PPA2: variants seen among roughly 807,000 people sequenced by gnomAD.
PPA2 encodes the protein inorganic pyrophosphatase 2, mitochondrial.
A neutral mutation model predicts 49.5 loss-of-function variants in PPA2; 48 were observed. The ratio of observed to expected loss-of-function variants is 0.97; its 90% CI spans 0.77 to 1.23. PPA2 has a LOEUF of 1.23. Among genes scored for constraint, PPA2 ranks in the 50% most tolerant of loss-of-function variants. The pLI is 0.00. For synonymous variants in PPA2, 131 were observed against 139.9 expected (o/e 0.94, Z 0.45); for missense variants, 429 against 410.1 (o/e 1.05, Z -0.40).
intron 9 of PPA2, among the ~76,000 whole-genome samples, chr4:105,389,615 TACA>T (rs1306770253): frequency 6.6e-6 from 1 of 151,962 alleles, no homozygotes; most frequent in Non-Finnish European, 1.5e-5. Context: ...AAATGCTGTG[TACA>T]ACAAGCCCAA....
In PPA2 at chr4:105,437,948, A is replaced by G. The variant is rs1272647594; in HGVS notation, c.528+2T>C. 3.1e-6 allele frequency: 5 copies of G among 1,596,270 alleles called. No individual in the cohort carries two copies. The South Asian group carries it at 5.7e-5, about 18-fold the overall frequency. On this transcript the variant is annotated splice_donor_variant, in intron 6 of 11. Transcript: ENST00000341695. LOFTEE classifies it high-confidence loss of function. ...AGAATTAATACAGTCTATAAAACAA[A>G]CCTTTGAGCCTATTTCGCAAACATC...
chr4:105,415,238 C>T (rs549466515), intron 7 of PPA2, among the ~76,000 whole-genome samples: 5 of 152,338 alleles, frequency 3.3e-5, no homozygotes, highest in Admixed American at 2.0e-4. Context: ...CACCTCTTTC[C>T]GCCCAGGAGC....
rs1724136746 is a variant in PPA2 at position 105,437,864 on chromosome 4, G to A, written c.528+86C>T. 6.2e-6 allele frequency: 6 copies of A among 972,248 alleles called. No homozygotes were observed. In the Admixed American group the frequency reaches 1.6e-4, roughly 25 times the overall value. The allele number at this position is 972,248 out of a possible 1,614,324, so 60.2% of individuals were successfully genotyped here. ...AATCAATAGGCTTGAACTCTGAAGAGTTGAAGAACTAGAGGCTAAAATGAA... is the reference window on the plus strand; with the variant it reads ...AATCAATAGGCTTGAACTCTGAAGAATTGAAGAACTAGAGGCTAAAATGAA... On this transcript the variant is annotated intron_variant, in intron 6 of 11. Coordinates refer to ENST00000341695, the MANE Select transcript of PPA2 (RefSeq NM_176869.3).
chr4:105,439,874 C>T (rs1304352819), intron 5 of PPA2, among the ~76,000 whole-genome samples: 2 of 115,112 alleles, frequency 1.7e-5, no homozygotes, highest in African/African-American at 6.1e-5. Context: ...GTGTGATGCT[C>T]CCCTTCCTGT....
intron 6 of PPA2, among the ~76,000 whole-genome samples, chr4:105,427,114 G>A (rs1723551231): frequency 6.6e-6 from 1 of 152,176 alleles, no homozygotes; most frequent in South Asian, 2.1e-4. Context: ...GGACCTGTCT[G>A]TTAGAAGGAA....
At chr4:105,417,558 C>CA (rs11413641) in intron 7 of PPA2, among the ~76,000 whole-genome samples, 90,718 of 144,660 alleles carry the variant, frequency 0.63, 29,131 homozygotes, top group Non-Finnish European at 0.72. Flanking sequence ...TGACTGAAAC[C>CA]AAAAAAAAAA....
At chr4:105,447,578 A>G (rs1722452931) in intron 4 of PPA2, among the ~76,000 whole-genome samples, 1 of 152,202 alleles carries the variant, frequency 6.6e-6, no homozygotes, top group African/African-American at 2.4e-5. Flanking sequence ...TATATTATTT[A>G]GCTTAAGTTA....
chr4:105,417,381 A>G (rs985543983), intron 7 of PPA2, among the ~76,000 whole-genome samples: 2 of 152,224 alleles, frequency 1.3e-5, no homozygotes, highest in African/African-American at 2.4e-5. Flanking sequence ...TAGAGATGGG[A>G]AAAACCCTAG....
intron 3 of PPA2, 32 bp from the exon 4 acceptor site, chr4:105,449,435 T>A: frequency 7.1e-7 from 1 of 1,408,026 alleles, no homozygotes; most frequent in Non-Finnish European, 9.8e-7. Context: ...AGAGAGAACA[T>A]TAAAAATTTT....
chr4:105,456,649 G>A (rs762795255), intron 2 of PPA2, 32 bp downstream of exon 2: 139 of 1,529,396 alleles, frequency 9.1e-5, no homozygotes, highest in Middle Eastern at 1.7e-4. Flanking sequence ...GGCAGTACAC[G>A]TTTTCATTCC....
chr4:105,370,609 C>T, intron 11 of PPA2: 1 of 977,740 alleles, frequency 1.0e-6, no homozygotes, highest in Non-Finnish European at 1.2e-6. Flanking sequence ...AGTCACCGTA[C>T]AATCAAATCA....
intron 2 of PPA2, among the ~76,000 whole-genome samples, chr4:105,455,556 T>C (rs1354139925): frequency 6.6e-6 from 1 of 152,136 alleles, no homozygotes; most frequent in Non-Finnish European, 1.5e-5. Flanking sequence ...GGGTACTAAA[T>C]GTAAAGCCAG....
chr4:105,425,522 A>G (rs1447273679), intron 6 of PPA2, among the ~76,000 whole-genome samples: 2 of 152,236 alleles, frequency 1.3e-5, no homozygotes, highest in Non-Finnish European at 2.9e-5. Flanking sequence ...TCCAAAGTGA[A>G]GCACAGAAAC....
chr4:105,396,024 C>T (rs1018470881), intron 9 of PPA2, among the ~76,000 whole-genome samples: 7 of 151,954 alleles, frequency 4.6e-5, no homozygotes, highest in Non-Finnish European at 5.9e-5. Context: ...AATTAAATGT[C>T]CATTTATTTA....
intron 7 of PPA2, among the ~76,000 whole-genome samples, chr4:105,412,439 G>T (rs574952940): frequency 6.6e-6 from 1 of 152,164 alleles, no homozygotes; most frequent in Non-Finnish European, 1.5e-5. Context: ...AAGACTTCAT[G>T]ACTAAAACAC....
At chr4:105,424,951 CAA>C (rs1318156639) in intron 6 of PPA2, among the ~76,000 whole-genome samples, 6 of 152,256 alleles carry the variant, frequency 3.9e-5, no homozygotes, top group Admixed American at 3.9e-4. Context: ...AAATGAGTTC[CAA>C]CCACCCAGGA....
At chr4:105,468,928 G>A (rs1281062790) in intron 1 of PPA2, among the ~76,000 whole-genome samples, 1 of 152,166 alleles carries the variant, frequency 6.6e-6, no homozygotes, top group Non-Finnish European at 1.5e-5. Context: ...ACCTCTCTGA[G>A]GTTCTGCAGC....
At chr4:105,466,369 A>G (rs1270779246) in intron 1 of PPA2, among the ~76,000 whole-genome samples, 1 of 152,008 alleles carries the variant, frequency 6.6e-6, no homozygotes, top group Non-Finnish European at 1.5e-5. Context: ...TCCTATGGAA[A>G]TCACATTCTA....
intron 7 of PPA2, among the ~76,000 whole-genome samples, chr4:105,423,846 C>A (rs553215916): frequency 6.6e-6 from 1 of 152,092 alleles, no homozygotes; most frequent in East Asian, 1.9e-4. Context: ...GGTAAAAATG[C>A]CAGTATCGTA....
Sources: allele counts gnomAD v4.1 joint callset (sites outside exome capture counted in the v4.1 genomes callset), GRCh38; gene constraint gnomAD v4.1.1; transcripts MANE v1.5; gene names NCBI Gene and HGNC (gene_info 2026-07-23, HGNC 2026-07-21).